The following PTPRD variants were observed in gnomAD, a reference collection of about 807,000 sequenced individuals.
PTPRD encodes receptor-type tyrosine-protein phosphatase delta.
A neutral mutation model predicts 214.5 loss-of-function variants in PTPRD; 34 were observed. The observed-to-expected ratio is 0.16, with a 90% CI of 0.12 to 0.21. The LOEUF (loss-of-function observed/expected upper bound fraction) is 0.21, where lower values mean the gene tolerates loss of function less well. Ranked by LOEUF, PTPRD falls within the 10% of genes least tolerant of loss-of-function variation. The pLI is 1.00. For synonymous variants in PTPRD, 1,128 were observed against 845.7 expected, an observed-to-expected ratio of 1.33 and a Z score of -5.79; for missense variants, 2,545 against 2,398.7, an observed-to-expected ratio of 1.06 and a Z score of -1.27.
At chr9:9,654,327 T>C (rs1057408947) in intron 7 of PTPRD, among the ~76,000 whole-genome samples, 1 of 152,156 alleles carries the variant, frequency 6.6e-6, no homozygotes, top group African/African-American at 2.4e-5. Flanking sequence ...AAAAGTTTAA[T>C]GCTTAAGATA....
chr9:8,416,205 T>C (rs966555158), intron 35 of PTPRD, among the ~76,000 whole-genome samples: 1 of 152,132 alleles, frequency 6.6e-6, no homozygotes, highest in African/African-American at 2.4e-5. Flanking sequence ...ATGCATCTAG[T>C]GACGTGGAAA....
At chr9:8,628,306 T>C (rs1419134963) in intron 14 of PTPRD, among the ~76,000 whole-genome samples, 2 of 151,884 alleles carry the variant, frequency 1.3e-5, no homozygotes, top group East Asian at 1.9e-4. Context: ...GTTGACTGCC[T>C]TCTCCCTGAA....
intron 6 of PTPRD, among the ~76,000 whole-genome samples, chr9:9,746,398 A>T (rs1444597954): frequency 6.6e-6 from 1 of 152,166 alleles, no homozygotes; most frequent in East Asian, 1.9e-4. Context: ...ATATCTAAAA[A>T]TCTATCAGGG....
At chr9:9,204,231 G>A (rs1400457464) in intron 9 of PTPRD, among the ~76,000 whole-genome samples, 1 of 152,194 alleles carries the variant, frequency 6.6e-6, no homozygotes, top group Non-Finnish European at 1.5e-5. Flanking sequence ...CAGAAATGTA[G>A]TTAGTAAATA....
At chr9:9,481,124 G>C (rs149606490) in intron 8 of PTPRD, among the ~76,000 whole-genome samples, 1 of 152,272 alleles carries the variant, frequency 6.6e-6, no homozygotes, top group Non-Finnish European at 1.5e-5. Flanking sequence ...TGATGATGAT[G>C]ACAGTTAAGT....
intron 7 of PTPRD, among the ~76,000 whole-genome samples, chr9:9,577,727 T>C (rs2089370733): frequency 6.6e-6 from 1 of 152,078 alleles, no homozygotes; most frequent in Non-Finnish European, 1.5e-5. Flanking sequence ...TAAGAAATTT[T>C]ATTTCACATA....
chr9:8,676,037 G>C (rs548238294), intron 12 of PTPRD, among the ~76,000 whole-genome samples: 37 of 152,144 alleles, frequency 2.4e-4, no homozygotes, highest in Non-Finnish European at 4.6e-4. Context: ...TTGACCAATA[G>C]TGAGTGCCTT....
chr9:9,302,350 C>A (rs999854378), intron 9 of PTPRD, among the ~76,000 whole-genome samples: 4 of 151,880 alleles, frequency 2.6e-5, no homozygotes, highest in African/African-American at 9.7e-5. Flanking sequence ...GTCATACACA[C>A]AATTGTTATT....
At chr9:9,081,274 G>C (rs757432794) in intron 10 of PTPRD, among the ~76,000 whole-genome samples, 2 of 152,104 alleles carry the variant, frequency 1.3e-5, no homozygotes, top group African/African-American at 2.4e-5. Flanking sequence ...TTCAGGAACA[G>C]GTTGTTCAGT....
intron 14 of PTPRD, among the ~76,000 whole-genome samples, chr9:8,610,847 T>A (rs756225363): frequency 4.6e-5 from 7 of 152,234 alleles, no homozygotes; most frequent in Non-Finnish European, 1.0e-4. Context: ...CAGGACGTGA[T>A]CTGGTTTAGA....
chr9:8,329,808 G>C (rs1330254828), intron 44 of PTPRD, among the ~76,000 whole-genome samples: 1 of 152,118 alleles, frequency 6.6e-6, no homozygotes, highest in Non-Finnish European at 1.5e-5. Context: ...TGTTTACACT[G>C]TGAGGGTAAA....
At chr9:8,372,461 A>G (rs1588941907) in intron 39 of PTPRD, among the ~76,000 whole-genome samples, 1 of 152,070 alleles carries the variant, frequency 6.6e-6, no homozygotes, top group Admixed American at 6.6e-5. Context: ...GCGTTATCCC[A>G]TTTTACAGGT....
chr9:10,163,063 A>G (rs1176827348), intron 3 of PTPRD, among the ~76,000 whole-genome samples: 1 of 150,998 alleles, frequency 6.6e-6, no homozygotes, highest in African/African-American at 2.4e-5. Context: ...AGAGGGGGAA[A>G]GAAATAAGAA....
At chr9:10,214,634 G>C (rs541460927) in intron 3 of PTPRD, among the ~76,000 whole-genome samples, 2 of 152,012 alleles carry the variant, frequency 1.3e-5, no homozygotes, top group East Asian at 3.9e-4. Context: ...TGTAGGTGTT[G>C]CTGTATAAAA....
At chr9:8,703,011 A>G (rs942501567) in intron 12 of PTPRD, among the ~76,000 whole-genome samples, 4 of 152,240 alleles carry the variant, frequency 2.6e-5, no homozygotes, top group Admixed American at 1.3e-4. Flanking sequence ...AGTTTGTATT[A>G]TTCATAAAGA....
intron 8 of PTPRD, among the ~76,000 whole-genome samples, chr9:9,446,651 C>G (rs534894919): frequency 1.3e-5 from 2 of 152,004 alleles, no homozygotes. Context: ...ATTAAAAATC[C>G]CTGACCTCCA....
intron 14 of PTPRD, among the ~76,000 whole-genome samples, chr9:8,561,541 T>C (rs1456415550): frequency 6.6e-6 from 1 of 151,978 alleles, no homozygotes; most frequent in Non-Finnish European, 1.5e-5. Flanking sequence ...CAAGCCGGTG[T>C]ACAAGCGAGA....
rs71317369 is a variant in PTPRD at position 8,548,676 on chromosome 9, ATTTTTTTTTTTTTTTTTTTTTTTTT to A, written c.353-19922_353-19898del. On this transcript the variant is annotated intron_variant, in intron 14 of 45. Transcript: ENST00000381196. Reference sequence around the variant, plus strand: ...AGCCATTGCACCCAGCTGGAGCTGGATTTTTTTTTTTTTTTTTTTTTTTTTTTTTTTTTTTGAGACGGAGTTTCTC... The same window carrying A: ...AGCCATTGCACCCAGCTGGAGCTGGATTTTTTTTTTGAGACGGAGTTTCTC... Among the ~76,000 whole-genome samples, 11 of 41,082 alleles carry A rather than the reference ATTTTTTTTTTTTTTTTTTTTTTTTT, an allele frequency of 2.7e-4. 1 individual carries two copies. In the Admixed American group the frequency reaches 5.4e-3, roughly 20 times the overall value. The allele number at this position is 41,082 out of a possible 152,430, so 27.0% of individuals were successfully genotyped here. A position where few individuals can be genotyped will look rare whatever the true frequency, so the allele number is the denominator to read the frequency against.
At chr9:8,596,352 A>C (rs1429217046) in intron 14 of PTPRD, among the ~76,000 whole-genome samples, 1 of 152,060 alleles carries the variant, frequency 6.6e-6, no homozygotes, top group Non-Finnish European at 1.5e-5. Flanking sequence ...GGACAAATAC[A>C]ATAATTACTT....
Sources: gnomAD v4.1 joint callset for allele counts (sites outside exome capture counted in the v4.1 genomes callset) on GRCh38, gnomAD v4.1.1 for gene constraint, MANE v1.5 for transcripts, NCBI Gene and HGNC (gene_info 2026-07-23, HGNC 2026-07-21) for gene names.